The following GAK variants were observed in gnomAD, a reference collection of about 807,000 sequenced individuals.
GAK encodes the protein cyclin G associated kinase.
A neutral mutation model predicts 143.9 loss-of-function variants in GAK; 79 were observed. The ratio of observed to expected loss-of-function variants is 0.55; its 90% CI spans 0.46 to 0.66. The LOEUF (loss-of-function observed/expected upper bound fraction) is 0.66, where lower values mean the gene tolerates loss of function less well. Ranked by LOEUF, GAK falls within the 30% of genes least tolerant of loss-of-function variation. GAK has a pLI of 0.00. For synonymous variants in GAK, 881 were observed against 765.5 expected, an observed-to-expected ratio of 1.15 and a Z score of -2.49; for missense variants, 1,693 against 1,779.7, an observed-to-expected ratio of 0.95 and a Z score of 0.88.
intron 19 of GAK, chr4:869,766 A>G (rs1577093167): frequency 6.8e-6 from 1 of 146,208 alleles, no homozygotes; most frequent in Admixed American, 6.9e-5. Flanking sequence ...GATGCACAGT[A>G]CACACGAATG....
chr4:871,409 G>A (rs1054740484), intron 18 of GAK, among the ~76,000 whole-genome samples: 1 of 152,226 alleles, frequency 6.6e-6, no homozygotes, highest in East Asian at 1.9e-4. Flanking sequence ...CGCACTCTGG[G>A]ATACTAAATG....
At chr4:928,234 T>C (rs577668347) in intron 1 of GAK, among the ~76,000 whole-genome samples, 3 of 152,306 alleles carry the variant, frequency 2.0e-5, no homozygotes, top group Non-Finnish European at 4.4e-5. Flanking sequence ...GTTTTTGTAT[T>C]TTCAGTAGAG....
Position 851,144 on chromosome 4 carries a change from CCA to C in GAK, c.3509-62_3509-61del, listed in dbSNP as rs561749139. 8.2e-4 allele frequency: 1,205 copies of C among 1,465,860 alleles called. 13 individuals carry two copies. Among genetic ancestry groups the C allele is most frequent in the South Asian group, 7.8e-3 (668 of 85,104 alleles). The allele number at this position is 1,465,860 out of a possible 1,614,324, so 90.8% of individuals were successfully genotyped here. A position where few individuals can be genotyped will look rare whatever the true frequency, so the allele number is the denominator to read the frequency against. ...CAGGGTCTCCACTCTGTCACCCAGGCCAGAGTGCAATGGCGTGATCTCAGCTC... is the reference window on the plus strand; with the variant it reads ...CAGGGTCTCCACTCTGTCACCCAGGCGAGTGCAATGGCGTGATCTCAGCTC... On this transcript the variant is annotated intron_variant, in intron 25 of 27. Coordinates refer to ENST00000314167, the MANE Select transcript of GAK (RefSeq NM_005255.4).
intron 21 of GAK, 107 bp downstream of exon 21, chr4:866,849 G>A (rs915026360): frequency 9.1e-6 from 8 of 879,706 alleles, no homozygotes; most frequent in Middle Eastern, 3.6e-4. Context: ...GGAAGGGCAC[G>A]TTCCCTTCCT....
chr4:882,158 G>T, intron 14 of GAK, 118 bp from the exon 15 acceptor site: 1 of 1,137,652 alleles, frequency 8.8e-7, no homozygotes, highest in Non-Finnish European at 1.2e-6. Flanking sequence ...GTTCCTCTCT[G>T]AAGCTGGGAT....
intron 3 of GAK, 128 bp from the exon 4 acceptor site, chr4:911,915 C>T (rs981982938): frequency 2.3e-5 from 16 of 704,972 alleles, no homozygotes; most frequent in Admixed American, 1.6e-4. Flanking sequence ...CAATTTTAGA[C>T]GTCAGAGCGG....
At chr4:903,196 A>C (rs1211696133) in intron 5 of GAK, among the ~76,000 whole-genome samples, 2 of 152,128 alleles carry the variant, frequency 1.3e-5, no homozygotes, top group African/African-American at 4.8e-5. Context: ...CCAGTCTAGA[A>C]GCATCTGTGT....
At chr4:856,372 TCAC>T (rs1307267660) in intron 24 of GAK, among the ~76,000 whole-genome samples, 12 of 79,546 alleles carry the variant, frequency 1.5e-4, no homozygotes, top group East Asian at 8.0e-4. Flanking sequence ...CCACAGCTGC[TCAC>T]CACAGCTGCT....
Position 866,519 on chromosome 4 carries a change from G to C in GAK, c.2888C>G (p.Pro963Arg). The change falls in exon 22 of 28, where the codon CCG becomes CGG. Residue 963 changes from proline (P) to arginine (R), a missense_variant. Pro to Arg is a moderately radical substitution (Grantham distance 103, BLOSUM62 -2). Around this residue, in one of 2 missense-constraint regions of GAK, gnomAD observed 822 missense variants for 788.7 expected, o/e 1.04. Coordinates refer to ENST00000314167, the MANE Select transcript of GAK (RefSeq NM_005255.4). ...GTTGTTGCCTGAAGACGGCAGAAGC[G>C]GGCCAAAGGGGTCAGCTGTGGGGAC... is the stretch of plus-strand genomic sequence containing the variant. ...GPPAAADPFGPLLPSSGNNSQ... is the reference protein window; with the variant it reads ...GPPAAADPFGRLLPSSGNNSQ... 6.2e-7 allele frequency: 1 copy of C among 1,613,670 alleles called. No individual in the cohort carries two copies. Among genetic ancestry groups the C allele is most frequent in the Non-Finnish European group, 8.5e-7 (1 of 1,179,910 alleles).
At chr4:904,804 G>A in intron 4 of GAK, 25 bp from the exon 5 acceptor site, 1 of 1,610,904 alleles carries the variant, frequency 6.2e-7, no homozygotes. Context: ...AACTCACATG[G>A]AGGCAGGAGA....
At chr4:908,514 T>A (rs550952539) in intron 4 of GAK, among the ~76,000 whole-genome samples, 3 of 152,084 alleles carry the variant, frequency 2.0e-5, no homozygotes, top group Non-Finnish European at 2.9e-5. Flanking sequence ...AATACAAAAC[T>A]TAGCCAGGCA....
chr4:918,294 A>G (rs1723374327), intron 1 of GAK, among the ~76,000 whole-genome samples: 1 of 152,274 alleles, frequency 6.6e-6, no homozygotes, highest in African/African-American at 2.4e-5. Context: ...ATAAGACTTA[A>G]TCGTGTTTTC....
intron 8 of GAK, 107 bp downstream of exon 8, chr4:893,767 G>C (rs909297768): frequency 7.6e-7 from 1 of 1,319,918 alleles, no homozygotes; most frequent in African/African-American, 1.5e-5. Context: ...GTGACGGGCG[G>C]GAGTGGGGCC....
chr4:903,669 C>T (rs1720453931), intron 5 of GAK, among the ~76,000 whole-genome samples: 1 of 141,796 alleles, frequency 7.1e-6, no homozygotes, highest in Non-Finnish European at 1.5e-5. Flanking sequence ...GTGGGGTGAG[C>T]AGGAGTGCGG....
At chr4:912,117 G>A (rs780501468) in intron 3 of GAK, 1 of 463,888 alleles carries the variant, frequency 2.2e-6, no homozygotes, top group South Asian at 1.5e-5. Flanking sequence ...GCTGCGGCGT[G>A]GCTGTGTCCA....
At chr4:904,140 T>C (rs935602616) in intron 5 of GAK, among the ~76,000 whole-genome samples, 2 of 152,092 alleles carry the variant, frequency 1.3e-5, no homozygotes, top group South Asian at 4.1e-4. Context: ...TTGTGGTCCC[T>C]GTGGATGATG....
intron 24 of GAK, 151 bp downstream of exon 24, chr4:859,455 G>A (rs769998843): frequency 9.4e-6 from 15 of 1,594,654 alleles, no homozygotes; most frequent in East Asian, 2.3e-5. Context: ...GTGCAGACAC[G>A]CTGTCCCCTT....
At chr4:923,999 A>G (rs1406844971) in intron 1 of GAK, among the ~76,000 whole-genome samples, 1 of 151,984 alleles carries the variant, frequency 6.6e-6, no homozygotes, top group East Asian at 1.9e-4. Context: ...AGCCTGACCA[A>G]CATAGTGACA....
chr4:861,095 G>A lies in GAK; in HGVS notation c.3167-1373C>T, dbSNP rs186926970. Reference sequence around the variant, plus strand: ...AGACGGCGAGCTTAACTGACAACACGCTGTGGCTGCTCCACAGACCAGCCA... The same window carrying A: ...AGACGGCGAGCTTAACTGACAACACACTGTGGCTGCTCCACAGACCAGCCA... On this transcript the variant is annotated intron_variant, in intron 23 of 27. Transcript: ENST00000314167. 5.0e-4 allele frequency among the ~76,000 whole-genome samples: 76 copies of A among 152,228 alleles called. 1 individual carries two copies. In the East Asian group the frequency reaches 0.014, roughly 27 times the overall value.
Sources: gnomAD v4.1 joint callset for allele counts (sites outside exome capture counted in the v4.1 genomes callset) on GRCh38, gnomAD v4.1.1 for gene constraint, gnomAD v4.1.1 regional missense constraint, MANE v1.5 for transcripts, NCBI Gene and HGNC (gene_info 2026-07-23, HGNC 2026-07-21) for gene names.